Variants in COL6A6 observed in about 807,000 individuals in gnomAD.
COL6A6 encodes the protein collagen alpha-6(VI) chain.
In COL6A6, 183 loss-of-function variants were observed where a neutral mutation model predicts 208.6. The ratio of observed to expected loss-of-function variants is 0.88; its 90% CI spans 0.78 to 0.99. COL6A6 has a LOEUF of 0.99. COL6A6 is among the 50% of genes least tolerant of loss of function. COL6A6 has a pLI of 0.00. For synonymous variants in COL6A6, 973 were observed against 1,011.8 expected (o/e 0.96, Z 0.73); for missense variants, 2,816 against 2,815.2 (o/e 1.00, Z -0.01).
Position 130,579,836 on chromosome 3 carries a change from C to T in COL6A6, c.3548-1725C>T, listed in dbSNP as rs567774836. Among the ~76,000 whole-genome samples the T allele has an allele frequency of 3.9e-5, 6 of 152,222 alleles. No homozygotes were observed. The East Asian group carries it at 1.2e-3, about 29-fold the overall frequency. ...AGTTTTTAGGCTGTTGCATGAGAGCCTCTTGCTCAGTATGGTTTGGTCTCT... is the reference window on the plus strand; with the variant it reads ...AGTTTTTAGGCTGTTGCATGAGAGCTTCTTGCTCAGTATGGTTTGGTCTCT... On this transcript the variant is annotated intron_variant, in intron 8 of 36. Transcript: ENST00000358511.
At chr3:130,601,259 T>C (rs2064009931) in intron 20 of COL6A6, among the ~76,000 whole-genome samples, 1 of 150,482 alleles carries the variant, frequency 6.6e-6, no homozygotes. Context: ...TACTTTAGTA[T>C]ATTGCATTTA....
At chr3:130,660,737 C>T (rs2065911449) in intron 34 of COL6A6, among the ~76,000 whole-genome samples, 1 of 152,204 alleles carries the variant, frequency 6.6e-6, no homozygotes, top group South Asian at 2.1e-4. Context: ...CCCAAGCATC[C>T]CAGCTCTCAG....
intron 1 of COL6A6, among the ~76,000 whole-genome samples, chr3:130,556,445 G>A (rs1162275510): frequency 6.6e-6 from 1 of 152,026 alleles, no homozygotes; most frequent in East Asian, 1.9e-4. Context: ...AAGGTTGGTG[G>A]AACTTTCCAA....
At chr3:130,659,615 A>G (rs1232652618) in intron 34 of COL6A6, among the ~76,000 whole-genome samples, 3 of 152,240 alleles carry the variant, frequency 2.0e-5, no homozygotes, top group Non-Finnish European at 4.4e-5. Flanking sequence ...TACAGAAGAG[A>G]AAAATAAAGC....
chr3:130,601,634 C>T lies in COL6A6; in HGVS notation c.4653+1824C>T, dbSNP rs2064023024. On this transcript the variant is annotated intron_variant, in intron 20 of 36. Transcript: ENST00000358511. ...CAATATTGCTATGCATTATTTAAACCACACCACTCCCATGAAATATGACCC... is the reference window on the plus strand; with the variant it reads ...CAATATTGCTATGCATTATTTAAACTACACCACTCCCATGAAATATGACCC... 1.3e-5 allele frequency among the ~76,000 whole-genome samples: 2 copies of T among 152,136 alleles called. 1 individual carries two copies. The highest frequency in any genetic ancestry group is 4.1e-4 in the South Asian group (2 of 4,826).
chr3:130,553,522 G>A (rs1338050098), intron 1 of COL6A6, among the ~76,000 whole-genome samples: 1 of 152,110 alleles, frequency 6.6e-6, no homozygotes, highest in Non-Finnish European at 1.5e-5. Context: ...TTTTTAAAAT[G>A]ACCATTTCTT....
chr3:130,570,103 T>C (rs58412109), intron 6 of COL6A6, among the ~76,000 whole-genome samples: 5,007 of 152,284 alleles, frequency 0.033, 296 homozygotes, highest in African/African-American at 0.11. Context: ...ACTGCACCTT[T>C]GGAGGGAACA....
intron 1 of COL6A6, among the ~76,000 whole-genome samples, chr3:130,518,956 C>A (rs983391957): frequency 1.3e-5 from 2 of 152,130 alleles, no homozygotes; most frequent in Non-Finnish European, 2.9e-5. Flanking sequence ...GGAGAATCAT[C>A]TTTGGCTTTT....
At chr3:130,576,819 G>A (rs1461548985) in intron 8 of COL6A6, among the ~76,000 whole-genome samples, 1 of 152,208 alleles carries the variant, frequency 6.6e-6, no homozygotes, top group East Asian at 1.9e-4. Flanking sequence ...ATTAGGGGAT[G>A]CCAGTTCTTT....
Position 130,565,437 on chromosome 3 carries a change from G to T in COL6A6, c.1105G>T (p.Gly369Cys), listed in dbSNP as rs1467825447. 5.0e-6 allele frequency: 8 copies of T among 1,613,786 alleles called. No homozygotes were observed. The highest frequency in any genetic ancestry group is 5.1e-6 in the Non-Finnish European group (6 of 1,179,832). Residue 369 changes from glycine (G) to cysteine (C), a missense_variant, in exon 4 of 37, where the codon GGC becomes TGC. Coordinates refer to ENST00000358511, the MANE Select transcript of COL6A6 (RefSeq NM_001102608.3). ...GACCATCTTCACCCTGGGCATAGAGGGCGCCAGCGACACCCAGTTGGAAAA... is the reference window on the plus strand; with the variant it reads ...GACCATCTTCACCCTGGGCATAGAGTGCGCCAGCGACACCCAGTTGGAAAA... The part of the protein sequence containing the change: ...GVTIFTLGIE[G>C]ASDTQLEKIA...
At chr3:130,613,657 T>C (rs1438723045) in intron 23 of COL6A6, among the ~76,000 whole-genome samples, 2 of 152,164 alleles carry the variant, frequency 1.3e-5, no homozygotes, top group Non-Finnish European at 2.9e-5. Flanking sequence ...ATGGAATGTT[T>C]TCCTATTTGT....
intron 1 of COL6A6, among the ~76,000 whole-genome samples, chr3:130,528,895 T>A (rs77418245): frequency 0.035 from 5,304 of 152,212 alleles, 148 homozygotes; most frequent in South Asian, 0.16. Flanking sequence ...ATCGAAACCA[T>A]CCTGGCTGAC....
intron 1 of COL6A6, among the ~76,000 whole-genome samples, chr3:130,531,061 G>GTCTCTCTCTCTCTC (rs10662894): frequency 8.0e-5 from 11 of 136,658 alleles, no homozygotes; most frequent in African/African-American, 3.2e-4. Context: ...CACACACACA[G>GTCTCTCTCTCTCTC]TCTCTCTCTC....
At chr3:130,590,305 T>A (rs1357470398) in intron 12 of COL6A6, among the ~76,000 whole-genome samples, 1 of 66,274 alleles carries the variant, frequency 1.5e-5, no homozygotes, top group Non-Finnish European at 2.7e-5. Context: ...ATATATTTTT[T>A]TTTTTTTTTT....
intron 13 of COL6A6, among the ~76,000 whole-genome samples, 195 bp downstream of exon 13, chr3:130,591,289 T>C (rs548095974): frequency 4.6e-5 from 7 of 152,286 alleles, no homozygotes; most frequent in African/African-American, 1.7e-4. Flanking sequence ...TGTCTCTTCT[T>C]TGACTACCCA....
At chr3:130,645,452 A>AT (rs1356879238) in intron 32 of COL6A6, among the ~76,000 whole-genome samples, 2 of 151,814 alleles carry the variant, frequency 1.3e-5, no homozygotes, top group Non-Finnish European at 2.9e-5. Flanking sequence ...TAATTTTTGT[A>AT]TTTTTTGTAG....
chr3:130,558,131 C>T (rs1559985599), intron 1 of COL6A6, among the ~76,000 whole-genome samples: 1 of 152,202 alleles, frequency 6.6e-6, no homozygotes, highest in Admixed American at 6.5e-5. Context: ...ATTCTCCCCT[C>T]ACTTGTCTTC....
At chr3:130,604,538 G>A (rs2064125715) in intron 20 of COL6A6, among the ~76,000 whole-genome samples, 1 of 151,732 alleles carries the variant, frequency 6.6e-6, no homozygotes, top group Non-Finnish European at 1.5e-5. Flanking sequence ...TAACAAAGGT[G>A]CTATGCGATC....
intron 23 of COL6A6, among the ~76,000 whole-genome samples, chr3:130,616,054 G>A (rs2108242910): frequency 6.6e-6 from 1 of 152,256 alleles, no homozygotes; most frequent in South Asian, 2.1e-4. Flanking sequence ...TGTCAGTACA[G>A]TGAAAATGCT....
Sources: allele counts gnomAD v4.1 joint callset (sites outside exome capture counted in the v4.1 genomes callset), GRCh38; gene constraint gnomAD v4.1.1; transcripts MANE v1.5; gene names NCBI Gene and HGNC (gene_info 2026-07-23, HGNC 2026-07-21).